The following CENPE variants were observed in gnomAD, a reference collection of about 807,000 sequenced individuals.
CENPE encodes the protein centromere protein E.
In CENPE, 145 loss-of-function variants were observed where a neutral mutation model predicts 336.1. That is an observed-to-expected ratio of 0.43 (90% confidence interval 0.38 to 0.50). CENPE has a LOEUF of 0.50. CENPE is among the 20% of genes least tolerant of loss of function. The pLI, the probability that CENPE is intolerant of heterozygous loss-of-function variation, is 0.00. For missense variants in CENPE, 2,719 were observed against 3,023.3 expected, an observed-to-expected ratio of 0.90 and a Z score of 2.36; for synonymous variants, 1,013 against 984.8, an observed-to-expected ratio of 1.03 and a Z score of -0.54.
At chr4:103,183,348 A>T in intron 9 of CENPE, 60 bp from the exon 10 acceptor site, 14 of 1,312,206 alleles carry the variant, frequency 1.1e-5, no homozygotes, top group Non-Finnish European at 1.5e-5. Context: ...TGATAAACTT[A>T]TTTATCACTA....
intron 41 of CENPE, 58 bp downstream of exon 41, chr4:103,133,637 C>T: frequency 1.7e-6 from 2 of 1,161,048 alleles, no homozygotes; most frequent in Non-Finnish European, 1.2e-6. Context: ...GAAAAAGTAC[C>T]TTTCTACTTG....
At chr4:103,110,045 T>C (rs747488172) in intron 47 of CENPE, among the ~76,000 whole-genome samples, 3 of 152,188 alleles carry the variant, frequency 2.0e-5, no homozygotes, top group East Asian at 1.9e-4. Flanking sequence ...GGAAAACTTA[T>C]CCTTCTTCCC....
intron 24 of CENPE, among the ~76,000 whole-genome samples, chr4:103,157,035 C>T (rs1754016684): frequency 7.0e-6 from 1 of 141,888 alleles, no homozygotes; most frequent in African/African-American, 2.6e-5. Flanking sequence ...GATACTGCCT[C>T]ACATCCATTA....
chr4:103,116,630 C>T lies in CENPE; in HGVS notation c.7389G>A (p.Lys2463=), dbSNP rs781110046. The change falls in exon 45 of 49, where the codon AAG becomes AAA. Residue 2463 remains lysine, a synonymous_variant. Transcript: ENST00000265148. ...YKEEIEDLKM[K]LVKIDLEKMK... is the part of the protein sequence containing the mutation. Reference sequence around the variant, plus strand: ...TTTTCTCTAGGTCTATTTTCACAAGCTTCATTTTGAGATCTTCAATTTCTT... The same window carrying T: ...TTTTCTCTAGGTCTATTTTCACAAGTTTCATTTTGAGATCTTCAATTTCTT... The T allele has an allele frequency of 9.4e-6, 15 of 1,595,732 alleles. No homozygotes were observed. The highest frequency in any genetic ancestry group is 7.1e-5 in the Admixed American group (4 of 56,328).
At chr4:103,115,489 C>T (rs1476363956) in intron 45 of CENPE, among the ~76,000 whole-genome samples, 1 of 152,076 alleles carries the variant, frequency 6.6e-6, no homozygotes, top group African/African-American at 2.4e-5. Context: ...TCTAATAGAT[C>T]TATGTTTCAC....
At position 103,158,886 on chromosome 4, in the gene CENPE, G is replaced by C. The variant is rs776496410; in HGVS notation, c.2602C>G (p.Leu868Val). The C allele has an allele frequency of 6.3e-7, 1 of 1,591,176 alleles. No individual in the cohort carries two copies. Reference protein sequence around the residue: ...DSSLGALKTELSYKTQELQEK... With the variant: ...DSSLGALKTEVSYKTQELQEK... ...TGAAGTTCTTGGGTCTTGTAAGAAA[G>C]CTTTAAAAAAGAAAAAGTAAATGTC... The change falls in exon 23 of 49, where the codon CTT (leucine) becomes GTT (valine). Residue 868 changes from leucine to valine, a missense_variant and splice_region_variant. Physicochemically the swap from Leu to Val is conservative, Grantham distance 32. Transcript: ENST00000265148.
At chr4:103,141,626 T>C in intron 35 of CENPE, 124 bp downstream of exon 35, 3 of 630,098 alleles carry the variant, frequency 4.8e-6, no homozygotes, top group Non-Finnish European at 8.1e-6. Flanking sequence ...TCAGGCAGGC[T>C]ACATCCAGCA....
rs770204781 is a variant in CENPE, at chr4:103,163,163, T to C, written c.1816A>G (p.Ile606Val). Residue 606 changes from isoleucine to valine, a missense_variant, in exon 18 of 49, where the codon ATA (isoleucine) becomes GTA (valine). Ile to Val is a conservative substitution (Grantham distance 29, BLOSUM62 3). Around this residue, in one of 5 missense-constraint regions of CENPE, gnomAD observed 2,437 missense variants for 2,513.3 expected, o/e 0.97. Transcript: ENST00000265148. ...AATGAGTATGACAAGTCCATTTTTA[T>C]ATTTTCTAGCTTTTGAGAGTCTATG... ...EYIDSQKLEN[I>V]KMDLSYSLES... 5.6e-6 allele frequency: 9 copies of C among 1,609,908 alleles called. No individual in the cohort carries two copies. The African/African-American group carries it at 6.7e-5, about 12-fold the overall frequency.
Position 103,194,221 on chromosome 4 carries a change from A to G in CENPE, c.693+8T>C. On this transcript the variant is annotated splice_region_variant and intron_variant, in intron 8 of 48. Coordinates refer to ENST00000265148, the MANE Select transcript of CENPE (RefSeq NM_001813.3). ...TACAGTACATTATTATGGTTCATTA[A>G]TACTCACCAAATGGGATACCTTAAC... The G allele has an allele frequency of 6.2e-7, 1 of 1,607,396 alleles. No individual in the cohort carries two copies. Among genetic ancestry groups the G allele is most frequent in the Non-Finnish European group, 8.5e-7 (1 of 1,174,860 alleles).
intron 13 of CENPE, 44 bp from the exon 14 acceptor site, chr4:103,177,090 CA>C: frequency 1.4e-6 from 2 of 1,476,130 alleles, no homozygotes; most frequent in Non-Finnish European, 1.8e-6. Flanking sequence ...GATCTGTATT[CA>C]AACATAATAA....
chr4:103,158,822 A>G lies in CENPE; in HGVS notation c.2666T>C (p.Met889Thr). The change falls in exon 23 of 49, where the codon ATG (methionine) becomes ACG (threonine). Residue 889 changes from methionine (M) to threonine (T), a missense_variant. Physicochemically the swap from Met to Thr is moderately conservative, Grantham distance 81. Around this residue, in one of 5 missense-constraint regions of CENPE, gnomAD observed 2,437 missense variants for 2,513.3 expected, o/e 0.97. Transcript: ENST00000265148. ...TREVQERLNE[M>T]EQLKEQLENR... ...TTCTAATTGTTCCTTCAGCTGTTCC[A>G]TCTCATTTAGTCTTTCTTGAACCTC... The G allele has an allele frequency of 6.2e-7, 1 of 1,612,902 alleles. No individual in the cohort carries two copies. Among genetic ancestry groups the G allele is most frequent in the Non-Finnish European group, 8.5e-7 (1 of 1,179,412 alleles).
At position 103,151,364 on chromosome 4, in the gene CENPE, T is replaced by G; in HGVS notation, c.3251A>C (p.Gln1084Pro). 2 of 1,577,104 alleles carry G rather than the reference T, an allele frequency of 1.3e-6. No homozygotes were observed. The highest frequency in any genetic ancestry group is 2.1e-5 in the Admixed American group (1 of 47,198). ...ATCCCCAAGAAGTCTTAATTCTTCC[T>G]GGTTTTCAATGGTCTAGAAAGAAAA... ...KENIEMTIEN[Q>P]EELRLLGDEL... The change falls in exon 26 of 49, where the codon CAG becomes CCG. Residue 1084 changes from glutamine (Q) to proline (P), a missense_variant. Coordinates refer to ENST00000265148, the MANE Select transcript of CENPE (RefSeq NM_001813.3).
chr4:103,118,689 T>C (rs927319455), intron 44 of CENPE, among the ~76,000 whole-genome samples: 6 of 152,198 alleles, frequency 3.9e-5, no homozygotes, highest in African/African-American at 1.4e-4. Flanking sequence ...ATGATCTATT[T>C]TGAGTTAATT....
intron 42 of CENPE, among the ~76,000 whole-genome samples, chr4:103,125,639 C>A (rs1356555991): frequency 1.3e-5 from 2 of 151,928 alleles, no homozygotes; most frequent in Non-Finnish European, 2.9e-5. Flanking sequence ...CCGAGGCGGG[C>A]AGATCATGAG....
chr4:103,178,233 A>G (rs1351133742), intron 13 of CENPE, among the ~76,000 whole-genome samples: 1 of 152,128 alleles, frequency 6.6e-6, no homozygotes, highest in African/African-American at 2.4e-5. Flanking sequence ...CCTCCTGAGC[A>G]CTGCCAGAGC....
At chr4:103,134,707 A>C (rs574060184) in intron 40 of CENPE, among the ~76,000 whole-genome samples, 1 of 151,966 alleles carries the variant, frequency 6.6e-6, no homozygotes, top group Non-Finnish European at 1.5e-5. Flanking sequence ...AGAGACAATA[A>C]TTTCAATGCC....
At chr4:103,194,524 A>G in intron 6 of CENPE, 79 bp downstream of exon 6, 1 of 1,460,402 alleles carries the variant, frequency 6.8e-7, no homozygotes, top group Non-Finnish European at 9.4e-7. Flanking sequence ...TTAAAAAAGT[A>G]TGATTTGAGG....
chr4:103,136,583 CA>C (rs1752088618), intron 39 of CENPE, among the ~76,000 whole-genome samples: 1 of 152,096 alleles, frequency 6.6e-6, no homozygotes, highest in Admixed American at 6.5e-5. Flanking sequence ...GCAAATATAA[CA>C]AAGAAAGCCA....
At chr4:103,178,530 T>C (rs1372308734) in intron 13 of CENPE, among the ~76,000 whole-genome samples, 1 of 152,202 alleles carries the variant, frequency 6.6e-6, no homozygotes, top group Non-Finnish European at 1.5e-5. Context: ...ATTTCTCCTA[T>C]GTTAGTCCAA....
Sources: allele counts gnomAD v4.1 joint callset (sites outside exome capture counted in the v4.1 genomes callset), GRCh38; gene constraint gnomAD v4.1.1; regional missense constraint gnomAD v4.1.1; transcripts MANE v1.5; gene names NCBI Gene and HGNC (gene_info 2026-07-23, HGNC 2026-07-21).